RBX1: variants seen among roughly 807,000 people sequenced by gnomAD.
RBX1 encodes E3 ubiquitin-protein ligase RBX1.
For missense variants in RBX1, 46 were observed against 141.4 expected (o/e 0.33, Z 3.42); for synonymous variants, 48 against 47.9 (o/e 1.00, Z -0.01).
At chr22:40,966,719 C>G (rs1244164340) in intron 3 of RBX1, 1 of 152,200 alleles carries the variant, frequency 6.6e-6, no homozygotes. Flanking sequence ...AAGTTCCATA[C>G]ATACTTTGGG....
At chr22:40,952,714 T>TCAAA (rs56970864) in intron 1 of RBX1, among the ~76,000 whole-genome samples, 147,449 of 152,158 alleles carry the variant, frequency 0.97, 71,609 homozygotes, top group East Asian at 1. Context: ...ATGGTAAGAA[T>TCAAA]CAAAATTCTA....
intron 2 of RBX1, among the ~76,000 whole-genome samples, chr22:40,959,459 T>C (rs766244288): frequency 6.6e-6 from 1 of 152,240 alleles, no homozygotes; most frequent in Non-Finnish European, 1.5e-5. Flanking sequence ...TTTGGTACTC[T>C]AGATTGCAGT....
At chr22:40,960,624 A>G (rs1386142800) in intron 2 of RBX1, among the ~76,000 whole-genome samples, 1 of 152,154 alleles carries the variant, frequency 6.6e-6, no homozygotes, top group Non-Finnish European at 1.5e-5. Context: ...CTAATTTTAT[A>G]ATACATAGTC....
At chr22:40,960,499 T>G (rs1418294859) in intron 2 of RBX1, among the ~76,000 whole-genome samples, 1 of 152,126 alleles carries the variant, frequency 6.6e-6, no homozygotes, top group Non-Finnish European at 1.5e-5. Flanking sequence ...AAGGGTTCTT[T>G]AGGTTAGTAG....
chr22:40,953,251 A>G (rs2058316334), intron 1 of RBX1, among the ~76,000 whole-genome samples: 1 of 152,112 alleles, frequency 6.6e-6, no homozygotes, highest in Non-Finnish European at 1.5e-5. Context: ...CGGCCTCCCA[A>G]AATGCTAGGA....
intron 2 of RBX1, among the ~76,000 whole-genome samples, chr22:40,954,983 T>C (rs7290224): frequency 0.065 from 9,924 of 152,138 alleles, 1,048 homozygotes; most frequent in African/African-American, 0.22. Context: ...GACACAGTTT[T>C]ACCGTGTTGG....
At chr22:40,958,535 C>G (rs895924311) in intron 2 of RBX1, among the ~76,000 whole-genome samples, 3 of 152,092 alleles carry the variant, frequency 2.0e-5, no homozygotes, top group Non-Finnish European at 1.5e-5. Context: ...CTGAAGACTT[C>G]CTCTTTTAAG....
rs1176548608 is a variant in RBX1, at chr22:40,967,703, A to G, written c.229-96A>G. ...GTCTTCTTTTCTTTTCTTGCCCACT[A>G]TATGTCACCCATGCCACTACCCTGT... On this transcript the variant is annotated intron_variant, in intron 3 of 4. Transcript: ENST00000216225. 1.5e-5 allele frequency: 13 copies of G among 873,580 alleles called. No individual in the cohort carries two copies. Among genetic ancestry groups the G allele is most frequent in the Non-Finnish European group, 1.8e-5 (10 of 550,958 alleles). The allele number at this position is 873,580 out of a possible 1,614,324, so 54.1% of individuals were successfully genotyped here.
At chr22:40,960,899 T>C (rs900774588) in intron 2 of RBX1, among the ~76,000 whole-genome samples, 1 of 150,680 alleles carries the variant, frequency 6.6e-6, no homozygotes, top group Non-Finnish European at 1.5e-5. Context: ...GCTGGGATTA[T>C]AGGCATGCGC....
At chr22:40,971,008 A>G (rs1226626036) in intron 4 of RBX1, among the ~76,000 whole-genome samples, 2 of 152,186 alleles carry the variant, frequency 1.3e-5, no homozygotes, top group African/African-American at 4.8e-5. Context: ...TGCATTCTAC[A>G]GGGAACCATA....
intron 2 of RBX1, among the ~76,000 whole-genome samples, chr22:40,957,124 G>C (rs1367640118): frequency 6.6e-6 from 1 of 151,952 alleles, no homozygotes; most frequent in Non-Finnish European, 1.5e-5. Context: ...GAGGCGGGGG[G>C]ATCATGAGGT....
At chr22:40,953,515 T>TA in intron 1 of RBX1, 40 bp from the exon 2 acceptor site, 2 of 1,328,046 alleles carry the variant, frequency 1.5e-6, no homozygotes, top group Non-Finnish European at 2.2e-6. Flanking sequence ...GTGTGTGTGT[T>TA]ACAAGCAGAA....
At chr22:40,962,894 C>A (rs1182437699) in intron 2 of RBX1, among the ~76,000 whole-genome samples, 1 of 143,682 alleles carries the variant, frequency 7.0e-6, no homozygotes, top group Non-Finnish European at 1.5e-5. Flanking sequence ...GACGGTGTTT[C>A]ACTATGTTGG....
At chr22:40,954,717 C>CT (rs1323797551) in intron 2 of RBX1, among the ~76,000 whole-genome samples, 1 of 150,946 alleles carries the variant, frequency 6.6e-6, no homozygotes, top group South Asian at 2.1e-4. Context: ...CCTGCTCACT[C>CT]TGTTAGTTTA....
At chr22:40,951,602 C>A in intron 1 of RBX1, 126 bp downstream of exon 1, 1 of 849,480 alleles carries the variant, frequency 1.2e-6, no homozygotes, top group South Asian at 1.7e-5. Flanking sequence ...CCGGGTACCA[C>A]GAAAGGAAGC....
chr22:40,968,655 T>C (rs2058360414), intron 4 of RBX1, among the ~76,000 whole-genome samples: 1 of 152,180 alleles, frequency 6.6e-6, no homozygotes. Flanking sequence ...TTTAAATGGT[T>C]GAAAGGGTAT....
At position 40,972,712 on chromosome 22, in the gene RBX1, G is replaced by C. The variant is rs1412814225; in HGVS notation, c.*224G>C. ...TGAACAAAGTGAACATAAATGAAGAGTCTCCCCTTCCAAGGCTGAAAACTC... is the reference window on the plus strand; with the variant it reads ...TGAACAAAGTGAACATAAATGAAGACTCTCCCCTTCCAAGGCTGAAAACTC... On this transcript the variant is annotated 3_prime_UTR_variant, in exon 5 of 5. Coordinates refer to ENST00000216225, the MANE Select transcript of RBX1 (RefSeq NM_014248.4). 2.2e-5 allele frequency: 11 copies of C among 497,330 alleles called. No homozygotes were observed. Among genetic ancestry groups the C allele is most frequent in the Non-Finnish European group, 7.3e-6 (2 of 273,668 alleles). The allele number at this position is 497,330 out of a possible 1,614,324, so 30.8% of individuals were successfully genotyped here. A position where few individuals can be genotyped will look rare whatever the true frequency, so the allele number is the denominator to read the frequency against.
At chr22:40,955,029 C>T (rs777386915) in intron 2 of RBX1, among the ~76,000 whole-genome samples, 23 of 152,094 alleles carry the variant, frequency 1.5e-4, no homozygotes, top group Admixed American at 1.2e-3. Context: ...TCGGGTGATC[C>T]GCGTGCCTCT....
At chr22:40,969,614 A>G (rs777597195) in intron 4 of RBX1, among the ~76,000 whole-genome samples, 13 of 151,420 alleles carry the variant, frequency 8.6e-5, no homozygotes, top group Non-Finnish European at 1.9e-4. Flanking sequence ...GCCATGCCTG[A>G]TGGCTCATGC....
Sources: allele counts gnomAD v4.1 joint callset (sites outside exome capture counted in the v4.1 genomes callset), GRCh38; gene constraint gnomAD v4.1.1; transcripts MANE v1.5; gene names NCBI Gene and HGNC (gene_info 2026-07-23, HGNC 2026-07-21).